MAMDC4: variants seen among roughly 807,000 people sequenced by gnomAD.
MAMDC4 encodes apical endosomal glycoprotein.
A neutral mutation model predicts 153.3 loss-of-function variants in MAMDC4; 168 were observed. That is an observed-to-expected ratio of 1.10 (90% confidence interval 0.97 to 1.25). The LOEUF is 1.25. Among genes scored for constraint, MAMDC4 ranks in the 50% most tolerant of loss-of-function variants. The pLI, the probability that MAMDC4 is intolerant of heterozygous loss-of-function variation, is 0.00. For synonymous variants in MAMDC4, 744 were observed against 651.5 expected (o/e 1.14, Z -2.16); for missense variants, 1,701 against 1,542.8 (o/e 1.10, Z -1.72).
chr9:136,857,660 G>A lies in MAMDC4; in HGVS notation c.2328G>A (p.Gly776=), dbSNP rs1414916108. The change falls in exon 19 of 27, where the codon GGG becomes GGA. Residue 776 remains glycine, a splice_region_variant and synonymous_variant. Transcript: ENST00000317446. Reference sequence around the variant, plus strand: ...GCAGGCTGATGCTGGCACCTCCAGGGCACTACATGGTGGTGGACACAAGCC... The same window carrying A: ...GCAGGCTGATGCTGGCACCTCCAGGACACTACATGGTGGTGGACACAAGCC... The part of the protein sequence containing the change: ...PTDHTTETAQ[G]HYMVVDTSPD... 1.2e-6 allele frequency: 2 copies of A among 1,612,584 alleles called. No homozygotes were observed. Among genetic ancestry groups the A allele is most frequent in the African/African-American group, 2.7e-5 (2 of 75,018 alleles).
Position 136,858,862 on chromosome 9 carries a change from G to C in MAMDC4, c.2956+9G>C. On this transcript the variant is annotated intron_variant, in intron 23 of 26. Coordinates refer to ENST00000317446, the MANE Select transcript of MAMDC4 (RefSeq NM_206920.3). ...TTTTCCTGAGCACTTCTGTGAGTCC[G>C]GCTGGGCCAATGGGTGCCTGGGCAA... 1 of 1,603,082 alleles carries C rather than the reference G, an allele frequency of 6.2e-7. No individual in the cohort carries two copies. The highest frequency in any genetic ancestry group is 8.5e-7 in the Non-Finnish European group (1 of 1,174,988).
chr9:136,854,166 C>T (rs1419521324), intron 6 of MAMDC4, 45 bp from the exon 7 acceptor site: 5 of 1,611,734 alleles, frequency 3.1e-6, no homozygotes, highest in Non-Finnish European at 4.2e-6. Context: ...CGAGTGCTCT[C>T]CCACTCCTGG....
At chr9:136,856,371 G>A (rs374821707) in intron 14 of MAMDC4, 149 of 872,324 alleles carry the variant, frequency 1.7e-4, no homozygotes, top group Non-Finnish European at 2.5e-4. Context: ...GCCCGCCGCC[G>A]GCCCTTCCGG....
At position 136,853,952 on chromosome 9, in the gene MAMDC4, C is replaced by T. The variant is rs1441299499; in HGVS notation, c.586-40C>T. 5 of 1,612,584 alleles carry T rather than the reference C, an allele frequency of 3.1e-6. No individual in the cohort carries two copies. The Admixed American group carries it at 5.0e-5, about 16-fold the overall frequency. On this transcript the variant is annotated intron_variant, in intron 5 of 26. Coordinates refer to ENST00000317446, the MANE Select transcript of MAMDC4 (RefSeq NM_206920.3). Reference sequence around the variant, plus strand: ...ACGAGTGGGGGCCTTGAGGAGGGGTCTGGGCCCTGACTTAGGTCCTAAGAG... The same window carrying T: ...ACGAGTGGGGGCCTTGAGGAGGGGTTTGGGCCCTGACTTAGGTCCTAAGAG...
At position 136,853,852 on chromosome 9, in the gene MAMDC4, G is replaced by A. The variant is rs771860798; in HGVS notation, c.530G>A (p.Gly177Asp). Reference protein sequence around the residue: ...LTLWQSTGPWGPGWQELAVTT... With the variant: ...LTLWQSTGPWDPGWQELAVTT... ...CTGTGGCAGAGCACAGGGCCCTGGGGCCCTGGCTGGCAGGAGTTGGCAGTG... is the reference window on the plus strand; with the variant it reads ...CTGTGGCAGAGCACAGGGCCCTGGGACCCTGGCTGGCAGGAGTTGGCAGTG... Residue 177 changes from glycine to aspartate, a missense_variant, in exon 5 of 27, where the codon GGC (glycine) becomes GAC (aspartate). Transcript: ENST00000317446. 4.3e-6 allele frequency: 7 copies of A among 1,612,438 alleles called. No homozygotes were observed. In the East Asian group the frequency reaches 1.3e-4, roughly 31 times the overall value.
rs371906246 is a variant in MAMDC4, at chr9:136,857,364, C to G, written c.2107-3C>G. On this transcript the variant is annotated splice_polypyrimidine_tract_variant and splice_region_variant and intron_variant, in intron 17 of 26. Coordinates refer to ENST00000317446, the MANE Select transcript of MAMDC4 (RefSeq NM_206920.3). The stretch of plus-strand genomic sequence containing the variant: ...CTGGCCAGCTGACACCCTCCACCCC[C>G]AGCTGCTGTTCGAGGGCCTCCGGGA... 22 of 1,608,606 alleles carry G rather than the reference C, an allele frequency of 1.4e-5. No individual in the cohort carries two copies. Among genetic ancestry groups the G allele is most frequent in the Non-Finnish European group, 1.9e-5 (22 of 1,179,606 alleles).
At chr9:136,858,890 G>A in intron 23 of MAMDC4, 37 bp downstream of exon 23, 1 of 1,584,778 alleles carries the variant, frequency 6.3e-7, no homozygotes, top group Non-Finnish European at 8.6e-7. Flanking sequence ...CTGGGCAACG[G>A]GGGCAGCAGG....
In MAMDC4 at chr9:136,853,396, G is replaced by C. The variant is rs746091425; in HGVS notation, c.266G>C (p.Arg89Thr). Residue 89 changes from arginine to threonine, a missense_variant, in exon 3 of 27, where the codon AGG becomes ACG. Transcript: ENST00000317446. ...TCAGGCTACAGCTGGCTCCGAGACA[G>C]GGCAGGGGCCGCACTGGAGGGTCCT... ...STSGYSWLRD[R>T]AGAALEGPGP... The C allele has an allele frequency of 4.4e-6, 7 of 1,605,360 alleles. No individual in the cohort carries two copies. Among genetic ancestry groups the C allele is most frequent in the Non-Finnish European group, 6.0e-6 (7 of 1,174,330 alleles).
rs1849077303 is a variant in MAMDC4 at position 136,860,608 on chromosome 9, C to T, written c.*5C>T. The T allele has an allele frequency of 2.5e-6, 4 of 1,613,154 alleles. No homozygotes were observed. The highest frequency in any genetic ancestry group is 3.4e-6 in the Non-Finnish European group (4 of 1,179,838). ...TCTGTCACCAGTGATCCGTAGACCA[C>T]CCCAGACAAGGCCCCGCTTCCTCAC... On this transcript the variant is annotated 3_prime_UTR_variant, in exon 27 of 27. Coordinates refer to ENST00000317446, the MANE Select transcript of MAMDC4 (RefSeq NM_206920.3).
In MAMDC4 at chr9:136,857,582, C is replaced by CG; in HGVS notation, c.2322_2323insG (p.Gln775AlafsTer91). The CG allele has an allele frequency of 6.2e-7, 1 of 1,612,560 alleles. No homozygotes were observed. ...CAACAGACCATACCACTGAGACAGC[C>CG]CAAGGTATGGGGGCCTGGCAGGGGC... On this transcript the variant is annotated frameshift_variant, in exon 18 of 27. Coordinates refer to ENST00000317446, the MANE Select transcript of MAMDC4 (RefSeq NM_206920.3). LOFTEE classifies it high-confidence loss of function.
rs1434270628 is a variant in MAMDC4 at position 136,852,349 on chromosome 9, G to A, written c.-68G>A. Reference sequence around the variant, plus strand: ...AGCAGAGTCAGCGTGCGGGGCCAGCGCAGGCTGATAACCGCACGGAACTTC... The same window carrying A: ...AGCAGAGTCAGCGTGCGGGGCCAGCACAGGCTGATAACCGCACGGAACTTC... On this transcript the variant is annotated 5_prime_UTR_variant, in exon 1 of 27. Coordinates refer to ENST00000317446, the MANE Select transcript of MAMDC4 (RefSeq NM_206920.3). 4.4e-6 allele frequency: 7 copies of A among 1,577,672 alleles called. No homozygotes were observed. The highest frequency in any genetic ancestry group is 1.1e-5 in the South Asian group (1 of 90,574).
chr9:136,854,521 G>T lies in MAMDC4; in HGVS notation c.797-18G>T. The T allele has an allele frequency of 6.3e-7, 1 of 1,595,124 alleles. No homozygotes were observed. The highest frequency in any genetic ancestry group is 8.5e-7 in the Non-Finnish European group (1 of 1,171,984). The stretch of plus-strand genomic sequence containing the variant: ...AAGCACTGCCTGGTGGCCCTGACAC[G>T]CCCACCTCCTGCCCTAGGCCGCCAC... On this transcript the variant is annotated intron_variant, in intron 7 of 26. Transcript: ENST00000317446.
chr9:136,855,274 A>G lies in MAMDC4; in HGVS notation c.1218A>G (p.Thr406=). The G allele has an allele frequency of 1.9e-6, 3 of 1,600,008 alleles. No homozygotes were observed. Among genetic ancestry groups the G allele is most frequent in the Non-Finnish European group, 2.6e-6 (3 of 1,173,134 alleles). ...YPFQILLAGQ[T]GPGGVVGLDD... ...CTCAGATCCTCCTGGCCGGGCAGAC[A>G]GGCCCGGGGGGCGTCGTGGGTCTGG... The change falls in exon 11 of 27, where the codon ACA becomes ACG. Residue 406 remains threonine, a synonymous_variant. Coordinates refer to ENST00000317446, the MANE Select transcript of MAMDC4 (RefSeq NM_206920.3).
At chr9:136,858,161 G>T (rs901638475) in intron 20 of MAMDC4, 25 bp from the exon 21 acceptor site, 1 of 1,555,374 alleles carries the variant, frequency 6.4e-7, no homozygotes, top group African/African-American at 1.4e-5. Flanking sequence ...GACCCGCTGA[G>T]GCTGCCCTGC....
intron 14 of MAMDC4, chr9:136,856,361 G>A (rs937237132): frequency 9.8e-6 from 9 of 920,084 alleles, no homozygotes; most frequent in Non-Finnish European, 1.6e-5. Flanking sequence ...CCTTCTAGGG[G>A]CCCGCCGCCG....
chr9:136,853,220 A>G lies in MAMDC4; in HGVS notation c.154+11A>G. On this transcript the variant is annotated intron_variant, in intron 2 of 26. Transcript: ENST00000317446. ...ATGAGGCCCAGTGTGGTGAGCCAAGACCAGATGGGCGGGCAGGGCCAGTGC... is the reference window on the plus strand; with the variant it reads ...ATGAGGCCCAGTGTGGTGAGCCAAGGCCAGATGGGCGGGCAGGGCCAGTGC... The G allele has an allele frequency of 1.2e-6, 2 of 1,612,650 alleles. No individual in the cohort carries two copies. Among genetic ancestry groups the G allele is most frequent in the Non-Finnish European group, 1.7e-6 (2 of 1,179,858 alleles).
At position 136,857,771 on chromosome 9, in the gene MAMDC4, G is replaced by C; in HGVS notation, c.2439G>C (p.Trp813Cys). 1.2e-6 allele frequency: 2 copies of C among 1,612,570 alleles called. No homozygotes were observed. The highest frequency in any genetic ancestry group is 1.7e-6 in the Non-Finnish European group (2 of 1,179,848). Reference protein sequence around the residue: ...PLAQPACLTFWYHGSLRSPGT... With the variant: ...PLAQPACLTFCYHGSLRSPGT... ...CCCAGCCTGCTTGTCTGACCTTCTGGTACCACGGGAGCCTCCGCAGCCCAG... is the reference window on the plus strand; with the variant it reads ...CCCAGCCTGCTTGTCTGACCTTCTGCTACCACGGGAGCCTCCGCAGCCCAG... The change falls in exon 19 of 27, where the codon TGG becomes TGC. Residue 813 changes from tryptophan to cysteine, a missense_variant. Coordinates refer to ENST00000317446, the MANE Select transcript of MAMDC4 (RefSeq NM_206920.3).
chr9:136,853,000 C>T (rs375137109), intron 1 of MAMDC4, 102 bp from the exon 2 acceptor site: 1 of 964,110 alleles, frequency 1.0e-6, no homozygotes, highest in Non-Finnish European at 1.6e-6. Context: ...GAGGGGCATC[C>T]CCGGACAAAA....
chr9:136,857,860 C>A, intron 19 of MAMDC4, 64 bp downstream of exon 19: 2 of 1,562,108 alleles, frequency 1.3e-6, no homozygotes, highest in Non-Finnish European at 8.7e-7. Flanking sequence ...TCCCCACCAG[C>A]CTTGTGCTGA....
Sources: allele counts gnomAD v4.1 joint callset, GRCh38; gene constraint gnomAD v4.1.1; transcripts MANE v1.5; gene names NCBI Gene and HGNC (gene_info 2026-07-23, HGNC 2026-07-21).